The following ARHGEF18 variants were observed in gnomAD, a reference collection of about 807,000 sequenced individuals.
ARHGEF18 encodes the protein rho guanine nucleotide exchange factor 18.
ARHGEF18 carries 93 observed loss-of-function variants against 155.7 expected under a neutral mutation model. The ratio of observed to expected loss-of-function variants is 0.60; its 90% CI spans 0.50 to 0.71. The LOEUF is 0.71. Ranked by LOEUF, ARHGEF18 falls within the 30% of genes least tolerant of loss-of-function variation. The probability of loss-of-function intolerance (pLI) is 0.00; values close to 1 mark genes in which losing one functional copy is unlikely to be tolerated. For missense variants in ARHGEF18, 1,593 were observed against 1,816.1 expected (o/e 0.88, Z 2.23); for synonymous variants, 742 against 753.1 (o/e 0.99, Z 0.24).
chr19:7,355,685 C>T (rs778385025), intron 1 of ARHGEF18: 11 of 985,474 alleles, frequency 1.1e-5, no homozygotes, highest in East Asian at 1.1e-4. Flanking sequence ...GTGGCTGAAG[C>T]GGTGGGCCTT....
chr19:7,431,582 A>G (rs1314813702), intron 10 of ARHGEF18, among the ~76,000 whole-genome samples: 2 of 150,094 alleles, frequency 1.3e-5, no homozygotes, highest in African/African-American at 2.5e-5. Context: ...TTGGGAGTCC[A>G]AGGCGGGTGG....
At chr19:7,435,386 G>T (rs1974199179) in intron 10 of ARHGEF18, among the ~76,000 whole-genome samples, 1 of 152,106 alleles carries the variant, frequency 6.6e-6, no homozygotes, top group African/African-American at 2.4e-5. Context: ...GAAGCAGGAG[G>T]CAGGGCACAC....
chr19:7,395,117 C>A lies in ARHGEF18; in HGVS notation c.967+11914C>A, dbSNP rs58104113. On this transcript the variant is annotated intron_variant, in intron 10 of 28. Coordinates refer to ENST00000668164, the MANE Select transcript of ARHGEF18 (RefSeq NM_001367823.1). The surrounding 1 kb of genome is among the most constrained non-coding windows in gnomAD (Gnocchi z 5.0). ...GATCGCGCATGCGCTGCTCTCCTCG[C>A]GCGGCTTCCCGCTTCCGGCTCCCAG... 14,769 of 985,474 alleles carry A rather than the reference C, an allele frequency of 0.015. 1,564 individuals carry two copies. In the African/African-American group the frequency reaches 0.23, roughly 15 times the overall value. The allele number at this position is 985,474 out of a possible 1,614,324, so 61.0% of individuals were successfully genotyped here.
At chr19:7,391,452 C>T (rs1971396255) in intron 10 of ARHGEF18, among the ~76,000 whole-genome samples, 1 of 152,160 alleles carries the variant, frequency 6.6e-6, no homozygotes, top group Non-Finnish European at 1.5e-5. Flanking sequence ...GTTTATAATT[C>T]AACCCCACCT....
chr19:7,452,879 G>A (rs976855028), intron 16 of ARHGEF18, among the ~76,000 whole-genome samples: 86 of 151,642 alleles, frequency 5.7e-4, no homozygotes, highest in Non-Finnish European at 2.9e-5. Flanking sequence ...TTCTGCATTC[G>A]ATAGATGCTC....
intron 10 of ARHGEF18, among the ~76,000 whole-genome samples, chr19:7,415,096 C>T (rs1309490175): frequency 6.6e-6 from 1 of 152,128 alleles, no homozygotes; most frequent in African/African-American, 2.4e-5. Flanking sequence ...CCACGCATGC[C>T]ATTCAGCTAT....
In ARHGEF18 at chr19:7,349,503, C is replaced by T. The variant is rs368548865; in HGVS notation, c.-111+262C>T. Among the ~76,000 whole-genome samples the T allele has an allele frequency of 2.3e-4, 35 of 152,108 alleles. No homozygotes were observed. In the East Asian group the frequency reaches 2.7e-3, roughly 12 times the overall value. ...GTAAGAAAGGAGGGTGGAGGCCGGG[C>T]GCGGTGGCTCACACCTGTAATCCTA... On this transcript the variant is annotated intron_variant, in intron 1 of 28. Transcript: ENST00000668164.
chr19:7,397,095 G>GC (rs1971753250), intron 10 of ARHGEF18, among the ~76,000 whole-genome samples: 2 of 98,646 alleles, frequency 2.0e-5, no homozygotes, highest in African/African-American at 5.6e-5. Context: ...AAGCCTTTTT[G>GC]CGAAAAAAAA....
In ARHGEF18 at chr19:7,444,562, G is replaced by T; in HGVS notation, c.1611+108G>T. On this transcript the variant is annotated intron_variant, in intron 14 of 28. Transcript: ENST00000668164. This position sits in a 1 kb window ranked among gnomAD's most constrained non-coding sequence, Gnocchi z 4.7. ...GTCTTGCCGTGTCGCCCAGGCTGGAGTGCAGTGGTGCAGTCACAGCTCAAT... is the reference window on the plus strand; with the variant it reads ...GTCTTGCCGTGTCGCCCAGGCTGGATTGCAGTGGTGCAGTCACAGCTCAAT... 7.0e-7 allele frequency: 1 copy of T among 1,429,550 alleles called. No homozygotes were observed. The highest frequency in any genetic ancestry group is 9.3e-7 in the Non-Finnish European group (1 of 1,071,104). The allele number at this position is 1,429,550 out of a possible 1,614,324, so 88.6% of individuals were successfully genotyped here. A position where few individuals can be genotyped will look rare whatever the true frequency, so the allele number is the denominator to read the frequency against.
intron 13 of ARHGEF18, among the ~76,000 whole-genome samples, chr19:7,443,976 A>T (rs924454816): frequency 4.0e-5 from 6 of 151,758 alleles, no homozygotes; most frequent in Non-Finnish European, 8.8e-5. Flanking sequence ...CCCTCCCGTG[A>T]TGGGGAGGCC....
chr19:7,451,154 T>C lies in ARHGEF18; in HGVS notation c.1743T>C (p.Ile581=), dbSNP rs999877950. Residue 581 remains isoleucine, a synonymous_variant, in exon 16 of 29, where the codon ATT becomes ATC. Coordinates refer to ENST00000668164, the MANE Select transcript of ARHGEF18 (RefSeq NM_001367823.1). ...TCTTGCTTTCTGTTTCCTAGAAAATTGGCAACTTCTCCATCGTGCGGCGGC... is the reference window on the plus strand; with the variant it reads ...TCTTGCTTTCTGTTTCCTAGAAAATCGGCAACTTCTCCATCGTGCGGCGGC... The part of the protein sequence containing the change: ...NKKFQNLIKK[I]GNFSIVRRLG... 6.8e-7 allele frequency: 1 copy of C among 1,469,768 alleles called. No individual in the cohort carries two copies. The highest frequency in any genetic ancestry group is 9.0e-7 in the Non-Finnish European group (1 of 1,116,134). The allele number at this position is 1,469,768 out of a possible 1,614,324, so 91.0% of individuals were successfully genotyped here. A position where few individuals can be genotyped will look rare whatever the true frequency, so the allele number is the denominator to read the frequency against.
intron 15 of ARHGEF18, among the ~76,000 whole-genome samples, chr19:7,450,865 T>C (rs1398404945): frequency 3.3e-5 from 5 of 149,840 alleles, no homozygotes; most frequent in African/African-American, 1.2e-4. Flanking sequence ...CGTCTTGCTG[T>C]CCGTTTCCGA....
intron 23 of ARHGEF18, among the ~76,000 whole-genome samples, chr19:7,466,123 C>A (rs1267721436): frequency 6.6e-6 from 1 of 151,924 alleles, no homozygotes; most frequent in African/African-American, 2.4e-5. Flanking sequence ...GTGGCTCACG[C>A]CTGTAATCCC....
chr19:7,375,281 A>AAAAGAAAGAAAAGAAAGAAAGAAAAG (rs1387879886), intron 3 of ARHGEF18, among the ~76,000 whole-genome samples: 1 of 143,418 alleles, frequency 7.0e-6, no homozygotes, highest in Non-Finnish European at 1.5e-5. Flanking sequence ...CAAAAAAAAA[A>AAAAGAAAGAAAAGAAAGAAAGAAAAG]AAAGAAAGAA....
chr19:7,384,021 C>T (rs752675507), intron 10 of ARHGEF18, among the ~76,000 whole-genome samples: 2 of 152,136 alleles, frequency 1.3e-5, no homozygotes, highest in Non-Finnish European at 2.9e-5. Flanking sequence ...TGCAAATAAG[C>T]TCCACGTTGG....
At chr19:7,473,021 C>T, downstream of ARHGEF18, 1 of 456,180 alleles carries the variant, frequency 2.2e-6, no homozygotes, top group Non-Finnish European at 4.4e-6. Context: ...TGTGGAGGGT[C>T]CTGCCCACCG....
At chr19:7,371,711 C>T (rs1050467938) in intron 2 of ARHGEF18, among the ~76,000 whole-genome samples, 3 of 151,764 alleles carry the variant, frequency 2.0e-5, no homozygotes, top group African/African-American at 7.3e-5. Flanking sequence ...ATCCCAGCTA[C>T]TCAGGAGGCT....
chr19:7,422,269 A>G (rs573824208), intron 10 of ARHGEF18, among the ~76,000 whole-genome samples: 95 of 151,904 alleles, frequency 6.3e-4, no homozygotes, highest in South Asian at 1.7e-3. Flanking sequence ...GTAAAACGCC[A>G]CGCATGCCCC....
At chr19:7,410,129 G>T (rs1366107879) in intron 10 of ARHGEF18, among the ~76,000 whole-genome samples, 1 of 151,972 alleles carries the variant, frequency 6.6e-6, no homozygotes, top group Non-Finnish European at 1.5e-5. Context: ...TGACATCATT[G>T]CAGTTCCCTT....
Sources: gnomAD v4.1 joint callset for allele counts (sites outside exome capture counted in the v4.1 genomes callset) on GRCh38, gnomAD v4.1.1 for gene constraint, Gnocchi (gnomAD v3.1) non-coding constraint, MANE v1.5 for transcripts, NCBI Gene and HGNC (gene_info 2026-07-23, HGNC 2026-07-21) for gene names.